Variants in KANSL1L observed in about 807,000 individuals in gnomAD.
KANSL1L encodes KAT8 regulatory NSL complex subunit 1-like protein.
Under a neutral mutation model 108.6 loss-of-function variants are expected in KANSL1L, and 25 were observed. The observed-to-expected ratio is 0.23, with a 90% CI of 0.17 to 0.32. The LOEUF (loss-of-function observed/expected upper bound fraction) is 0.32. Ranked by LOEUF, KANSL1L falls within the 10% of genes least tolerant of loss-of-function variation. The pLI, the probability that KANSL1L is intolerant of heterozygous loss-of-function variation, is 1.00. For synonymous variants in KANSL1L, 405 were observed against 395.1 expected, an observed-to-expected ratio of 1.03 and a Z score of -0.30; for missense variants, 1,137 against 1,125.7, an observed-to-expected ratio of 1.01 and a Z score of -0.14.
intron 3 of KANSL1L, among the ~76,000 whole-genome samples, chr2:210,109,547 T>G (rs2094884560): frequency 1.3e-5 from 2 of 152,192 alleles, no homozygotes; most frequent in Non-Finnish European, 2.9e-5. Flanking sequence ...TCGCTGATTC[T>G]TTGGGAAAAA....
At chr2:210,041,915 T>C (rs766291866) in intron 7 of KANSL1L, among the ~76,000 whole-genome samples, 3 of 152,176 alleles carry the variant, frequency 2.0e-5, no homozygotes, top group Non-Finnish European at 4.4e-5. Flanking sequence ...GATATTATGA[T>C]CATATGAAAA....
At chr2:210,024,417 T>TGG (rs1053547387) in intron 13 of KANSL1L, among the ~76,000 whole-genome samples, 1 of 152,110 alleles carries the variant, frequency 6.6e-6, no homozygotes, top group Non-Finnish European at 1.5e-5. Context: ...ATAACAGTTG[T>TGG]GGGGGGAGGG....
intron 3 of KANSL1L, among the ~76,000 whole-genome samples, chr2:210,107,613 C>T (rs1354536924): frequency 6.6e-6 from 1 of 151,478 alleles, no homozygotes; most frequent in Non-Finnish European, 1.5e-5. Flanking sequence ...ACTGCAAGCT[C>T]TGCCTCCCGG....
intron 2 of KANSL1L, among the ~76,000 whole-genome samples, chr2:210,131,140 TGGA>T (rs2095116388): frequency 1.3e-5 from 2 of 152,076 alleles, no homozygotes; most frequent in African/African-American, 4.8e-5. Context: ...AGCTACAAGA[TGGA>T]GGAGGAGAAT....
intron 1 of KANSL1L, among the ~76,000 whole-genome samples, chr2:210,162,029 A>T (rs1216156513): frequency 6.6e-6 from 1 of 150,400 alleles, no homozygotes; most frequent in Non-Finnish European, 1.5e-5. Context: ...GTTTGAGACC[A>T]GCCTGCGTAA....
At chr2:210,128,752 T>C (rs1021856748) in intron 3 of KANSL1L, among the ~76,000 whole-genome samples, 6 of 152,200 alleles carry the variant, frequency 3.9e-5, no homozygotes, top group Non-Finnish European at 5.9e-5. Flanking sequence ...GGTTTTTATG[T>C]ATTTTATGAT....
chr2:210,135,515 T>G (rs2095165669), intron 2 of KANSL1L, among the ~76,000 whole-genome samples: 2 of 152,024 alleles, frequency 1.3e-5, no homozygotes, highest in Non-Finnish European at 2.9e-5. Context: ...TCCTTGAAAA[T>G]AAAACGTGAG....
intron 14 of KANSL1L, 100 bp downstream of exon 14, chr2:210,023,933 A>C (rs888950590): frequency 1.4e-6 from 1 of 701,782 alleles, no homozygotes; most frequent in African/African-American, 1.9e-5. Flanking sequence ...TGAATTTGTT[A>C]TGTAATGATG....
intron 6 of KANSL1L, among the ~76,000 whole-genome samples, chr2:210,054,397 AT>A (rs2094327161): frequency 6.6e-6 from 1 of 152,008 alleles, no homozygotes; most frequent in East Asian, 1.9e-4. Context: ...AAAGCCCAAA[AT>A]TTTAATAATT....
chr2:210,144,732 T>C (rs2095253719), intron 2 of KANSL1L, among the ~76,000 whole-genome samples: 1 of 152,206 alleles, frequency 6.6e-6, no homozygotes, highest in African/African-American at 2.4e-5. Flanking sequence ...TTTTGTTGAA[T>C]TGCCCCTCTG....
At chr2:210,030,487 A>G (rs1181057202) in intron 9 of KANSL1L, among the ~76,000 whole-genome samples, 2 of 140,796 alleles carry the variant, frequency 1.4e-5, no homozygotes, top group Admixed American at 1.4e-4. Flanking sequence ...TTTTCTGTAT[A>G]TCTTCCAAGT....
At chr2:210,136,453 G>C (rs1160757621) in intron 2 of KANSL1L, among the ~76,000 whole-genome samples, 1 of 152,066 alleles carries the variant, frequency 6.6e-6, no homozygotes, top group Admixed American at 6.6e-5. Context: ...TGACAAATAA[G>C]GACATATTTT....
intron 6 of KANSL1L, among the ~76,000 whole-genome samples, chr2:210,065,223 G>A (rs544313020): frequency 6.7e-5 from 10 of 148,546 alleles, no homozygotes; most frequent in East Asian, 6.1e-4. Context: ...CCTCGGAGGC[G>A]GAGGTTGCAG....
intron 6 of KANSL1L, among the ~76,000 whole-genome samples, chr2:210,057,011 AT>A (rs965192782): frequency 3.3e-5 from 5 of 152,148 alleles, no homozygotes; most frequent in Admixed American, 3.3e-4. Flanking sequence ...TGTAAATTCC[AT>A]CCCTGTGTGT....
chr2:210,073,056 T>C (rs2094518264), intron 6 of KANSL1L, among the ~76,000 whole-genome samples: 1 of 152,218 alleles, frequency 6.6e-6, no homozygotes, highest in South Asian at 2.1e-4. Flanking sequence ...ATTGTCCTTA[T>C]TTATTTTGAT....
intron 6 of KANSL1L, among the ~76,000 whole-genome samples, chr2:210,056,491 C>CT (rs2094352271): frequency 1.3e-5 from 2 of 152,086 alleles, no homozygotes; most frequent in African/African-American, 2.4e-5. Context: ...AGCTAAATAT[C>CT]TTTTTTTGAG....
At chr2:210,170,757 A>T (rs2125700391) in intron 1 of KANSL1L, 1 of 152,386 alleles carries the variant, frequency 6.6e-6, no homozygotes, top group East Asian at 1.9e-4. Context: ...GGCTCAGCCG[A>T]TGAGGCAAGA....
chr2:210,022,654 T>TA lies in KANSL1L; in HGVS notation c.*294dup, dbSNP rs1404485799. The stretch of plus-strand genomic sequence containing the variant: ...TATGTATGGTGTGGGTACATAGTCT[T>TA]AAAAATTACCCAGTAATGTGATTTG... On this transcript the variant is annotated 3_prime_UTR_variant, in exon 15 of 15. Transcript: ENST00000281772. 1.1e-5 allele frequency: 4 copies of TA among 357,590 alleles called. No individual in the cohort carries two copies. Among genetic ancestry groups the TA allele is most frequent in the Non-Finnish European group, 2.1e-5 (4 of 191,794 alleles). 22.2% of individuals were successfully genotyped at this position (357,590 alleles called of 1,614,324 possible).
intron 4 of KANSL1L, among the ~76,000 whole-genome samples, chr2:210,102,493 G>T (rs952776901): frequency 6.6e-6 from 1 of 152,094 alleles, no homozygotes; most frequent in Admixed American, 6.5e-5. Flanking sequence ...AAGAGCTTCT[G>T]CACAGCAAAA....
Sources: gnomAD v4.1 joint callset for allele counts (sites outside exome capture counted in the v4.1 genomes callset) on GRCh38, gnomAD v4.1.1 for gene constraint, MANE v1.5 for transcripts, NCBI Gene and HGNC (gene_info 2026-07-23, HGNC 2026-07-21) for gene names.